ELOVL5: variants seen among roughly 807,000 people sequenced by gnomAD.
ELOVL5 encodes the protein ELOVL fatty acid elongase 5, also known as very long chain fatty acid elongase 5.
In ELOVL5, 8 loss-of-function variants were observed where a neutral mutation model predicts 38.6. That is an observed-to-expected ratio of 0.21 (90% CI 0.12 to 0.37). The LOEUF is 0.37. Ranked by LOEUF, ELOVL5 falls within the 10% of genes least tolerant of loss-of-function variation. The pLI, the probability that ELOVL5 is intolerant of heterozygous loss-of-function variation, is 1.00. For synonymous variants in ELOVL5, 127 were observed against 133.7 expected (o/e 0.95, Z 0.34); for missense variants, 280 against 367.8 (o/e 0.76, Z 1.95).
Position 53,291,868 on chromosome 6 carries a change from A to G in ELOVL5, c.154T>C (p.Tyr52His). Residue 52 changes from tyrosine to histidine, a missense_variant, in exon 3 of 8, where the codon TAC becomes CAC. Transcript: ENST00000304434. ...GAGAATGGCTGTTTATTCCTCATGT[A>G]TTTTGGTCCCAGCCATACAATTAGT... ...YLLIVWLGPK[Y>H]MRNKQPFSCR... 7 of 1,613,804 alleles carry G rather than the reference A, an allele frequency of 4.3e-6. No individual in the cohort carries two copies. Among genetic ancestry groups the G allele is most frequent in the African/African-American group, 1.3e-5 (1 of 75,034 alleles).
intron 1 of ELOVL5, among the ~76,000 whole-genome samples, chr6:53,323,834 C>T (rs529441843): frequency 3.4e-4 from 52 of 152,254 alleles, no homozygotes; most frequent in Non-Finnish European, 1.5e-5. Context: ...ACCATCGGGC[C>T]ATGCCCGACC....
chr6:53,343,349 A>G lies in ELOVL5; in HGVS notation c.-9+5468T>C, dbSNP rs528901623. On this transcript the variant is annotated intron_variant, in intron 1 of 7. Coordinates refer to ENST00000304434, the MANE Select transcript of ELOVL5 (RefSeq NM_021814.5). ...CACCTCAGCCTCCCAAGGAGCTGGGACTACAGGCATGTACCACCACATCCA... is the reference window on the plus strand; with the variant it reads ...CACCTCAGCCTCCCAAGGAGCTGGGGCTACAGGCATGTACCACCACATCCA... Among the ~76,000 whole-genome samples the G allele has an allele frequency of 2.6e-5, 4 of 152,268 alleles. No individual in the cohort carries two copies. The East Asian group carries it at 5.8e-4, about 22-fold the overall frequency.
intron 3 of ELOVL5, chr6:53,287,927 G>A: frequency 6.5e-7 from 1 of 1,535,696 alleles, no homozygotes. Context: ...GATCGACGGG[G>A]TTGCTCCCTT....
intron 3 of ELOVL5, among the ~76,000 whole-genome samples, chr6:53,280,421 C>T (rs1766307816): frequency 6.6e-6 from 1 of 152,196 alleles, no homozygotes; most frequent in African/African-American, 2.4e-5. Context: ...TGGAGTAAAG[C>T]AAACTTTAAT....
At chr6:53,301,601 C>G (rs1767252639) in intron 1 of ELOVL5, among the ~76,000 whole-genome samples, 1 of 152,090 alleles carries the variant, frequency 6.6e-6, no homozygotes, top group African/African-American at 2.4e-5. Flanking sequence ...CAGGTTACAA[C>G]AGGGAGTAGT....
chr6:53,343,167 C>G (rs1427129446), intron 1 of ELOVL5, among the ~76,000 whole-genome samples: 1 of 152,076 alleles, frequency 6.6e-6, no homozygotes, highest in Non-Finnish European at 1.5e-5. Flanking sequence ...GCTGCAATCT[C>G]CATCAACTGT....
intron 1 of ELOVL5, among the ~76,000 whole-genome samples, chr6:53,302,853 G>A (rs1182739935): frequency 6.6e-6 from 1 of 151,928 alleles, no homozygotes; most frequent in African/African-American, 2.4e-5. Flanking sequence ...ATTTAAAAAC[G>A]TTTAGCTATT....
intron 1 of ELOVL5, among the ~76,000 whole-genome samples, chr6:53,300,134 C>A (rs1767190819): frequency 6.6e-6 from 1 of 152,062 alleles, no homozygotes; most frequent in Admixed American, 6.6e-5. Context: ...AGTATTTCCC[C>A]CAAACTCTCC....
intron 1 of ELOVL5, among the ~76,000 whole-genome samples, chr6:53,342,266 C>T (rs572211042): frequency 2.3e-4 from 35 of 152,310 alleles, no homozygotes; most frequent in African/African-American, 8.4e-4. Flanking sequence ...TAGGGAGATA[C>T]ATCACATTTC....
intron 1 of ELOVL5, among the ~76,000 whole-genome samples, chr6:53,308,351 GC>G (rs1270939503): frequency 3.3e-5 from 5 of 152,236 alleles, no homozygotes; most frequent in African/African-American, 1.2e-4. Context: ...ATCCTATTAG[GC>G]TCTAAGCTCT....
chr6:53,306,876 T>G (rs553790345), intron 1 of ELOVL5, among the ~76,000 whole-genome samples: 30 of 152,350 alleles, frequency 2.0e-4, no homozygotes, highest in African/African-American at 6.7e-4. Flanking sequence ...TCCTTGCTGG[T>G]GGGTGAAGGC....
chr6:53,293,489 T>A (rs1186137800), intron 2 of ELOVL5, among the ~76,000 whole-genome samples: 1 of 152,074 alleles, frequency 6.6e-6, no homozygotes. Flanking sequence ...CGCTAATTTT[T>A]GTAATTTTAG....
intron 1 of ELOVL5, among the ~76,000 whole-genome samples, chr6:53,328,405 T>TA (rs1220655370): frequency 5.3e-5 from 8 of 152,334 alleles, no homozygotes; most frequent in Non-Finnish European, 7.3e-5. Context: ...ATAAAAATCT[T>TA]AAAAGAATTC....
intron 3 of ELOVL5, among the ~76,000 whole-genome samples, chr6:53,291,404 G>A (rs1581938817): frequency 6.6e-6 from 1 of 152,138 alleles, no homozygotes; most frequent in African/African-American, 2.4e-5. Context: ...ACAAGAAGCA[G>A]GCACTTATTA....
intron 1 of ELOVL5, among the ~76,000 whole-genome samples, chr6:53,306,725 T>C (rs1353004849): frequency 6.6e-6 from 1 of 152,184 alleles, no homozygotes; most frequent in Admixed American, 6.5e-5. Context: ...CTGTAGAAAA[T>C]TACTCTTGTA....
chr6:53,299,357 TAAAG>T (rs1156915392), intron 1 of ELOVL5, among the ~76,000 whole-genome samples: 2 of 152,020 alleles, frequency 1.3e-5, no homozygotes, highest in African/African-American at 2.4e-5. Context: ...AATGAGGAAA[TAAAG>T]AAGCTGGAAA....
At chr6:53,292,764 G>C (rs916815234) in intron 2 of ELOVL5, among the ~76,000 whole-genome samples, 1 of 152,138 alleles carries the variant, frequency 6.6e-6, no homozygotes, top group Admixed American at 6.6e-5. Context: ...GCACCCCAGC[G>C]TGGGCAACAG....
chr6:53,343,948 C>A (rs971915784), intron 1 of ELOVL5, among the ~76,000 whole-genome samples: 1 of 152,236 alleles, frequency 6.6e-6, no homozygotes, highest in Non-Finnish European at 1.5e-5. Context: ...TTGGGGCTTT[C>A]CTTTTCTCAC....
Position 53,276,765 on chromosome 6 carries a change from T to G in ELOVL5, c.247-509A>C, listed in dbSNP as rs114212525. Reference sequence around the variant, plus strand: ...ATGTCTAACAAGGTCCAGGTGATACTGATGCTGCTGATGTGGAAACCATAC... The same window carrying G: ...ATGTCTAACAAGGTCCAGGTGATACGGATGCTGCTGATGTGGAAACCATAC... On this transcript the variant is annotated intron_variant, in intron 3 of 7. Transcript: ENST00000304434. Among the ~76,000 whole-genome samples the G allele has an allele frequency of 5.0e-4, 76 of 152,268 alleles. 1 individual carries two copies. The highest frequency in any genetic ancestry group is 1.7e-3 in the African/African-American group (70 of 41,566).
Sources: allele counts gnomAD v4.1 joint callset (sites outside exome capture counted in the v4.1 genomes callset), GRCh38; gene constraint gnomAD v4.1.1; transcripts MANE v1.5; gene names NCBI Gene and HGNC (gene_info 2026-07-23, HGNC 2026-07-21).